SCFD2: variants seen among roughly 807,000 people sequenced by gnomAD.
The protein encoded by SCFD2 is sec1 family domain containing 2.
In SCFD2, 54 loss-of-function variants were observed where a neutral mutation model predicts 58.9. That is an observed-to-expected ratio of 0.92 (90% CI 0.74 to 1.15). The LOEUF is 1.15. SCFD2 is among the 50% of genes most tolerant of loss of function. The pLI is 0.00. For synonymous variants in SCFD2, 321 were observed against 335.9 expected (o/e 0.96, Z 0.49); for missense variants, 805 against 836.6 (o/e 0.96, Z 0.47).
intron 3 of SCFD2, among the ~76,000 whole-genome samples, chr4:53,310,449 G>A (rs1203773882): frequency 6.6e-6 from 1 of 152,198 alleles, no homozygotes; most frequent in African/African-American, 2.4e-5. Flanking sequence ...ATCAGCGTTT[G>A]AGATGGGCAT....
At chr4:53,022,664 G>A (rs537349337) in intron 5 of SCFD2, among the ~76,000 whole-genome samples, 9 of 152,302 alleles carry the variant, frequency 5.9e-5, no homozygotes, top group South Asian at 2.1e-4. Flanking sequence ...TCTCTAAAGA[G>A]GGGATTAATT....
chr4:53,064,452 T>C (rs1723600675), intron 5 of SCFD2, among the ~76,000 whole-genome samples: 1 of 152,156 alleles, frequency 6.6e-6, no homozygotes, highest in South Asian at 2.1e-4. Flanking sequence ...GACTTATTAC[T>C]TGGGTAACTG....
At chr4:53,105,082 C>T (rs757515475) in intron 5 of SCFD2, among the ~76,000 whole-genome samples, 5 of 152,020 alleles carry the variant, frequency 3.3e-5, no homozygotes, top group South Asian at 2.1e-4. Flanking sequence ...GAAGTGCAAG[C>T]GGTCGGGGAA....
chr4:53,280,772 G>A (rs1004224161), intron 3 of SCFD2, among the ~76,000 whole-genome samples: 4 of 151,956 alleles, frequency 2.6e-5, no homozygotes, highest in African/African-American at 9.7e-5. Flanking sequence ...ATATAATAAA[G>A]GCAATGTATA....
chr4:53,106,040 TACCCAGTCAAACAGGGTCTGGAGTGG>T (rs1433745100), intron 5 of SCFD2, among the ~76,000 whole-genome samples: 3 of 152,244 alleles, frequency 2.0e-5, no homozygotes, highest in Admixed American at 6.5e-5. Flanking sequence ...CCACTGGTGA[TACCCAGTCAAACAGGGTCTGGAGTGG>T]ACCCAGTCAA....
intron 3 of SCFD2, among the ~76,000 whole-genome samples, chr4:53,289,208 C>T (rs549265954): frequency 3.4e-4 from 52 of 151,984 alleles, no homozygotes; most frequent in African/African-American, 1.1e-3. Context: ...CTACTAAAAA[C>T]ACAAAAACTT....
Position 52,873,998 on chromosome 4 carries a change from C to A in SCFD2, c.2026G>T (p.Asp676Tyr). The stretch of plus-strand genomic sequence containing the variant: ...AAGCCAAGGTCTGGATGCAGTCGGT[C>A]AGTTGCAAATAACAGCTCAGGAATG... ...LNIPELLFAT[D>Y]RLHPDLGF Residue 676 changes from aspartate to tyrosine, a missense_variant, in exon 9 of 9, where the codon GAC (aspartate) becomes TAC (tyrosine). Coordinates refer to ENST00000401642, the MANE Select transcript of SCFD2 (RefSeq NM_152540.4). 6.2e-7 allele frequency: 1 copy of A among 1,614,010 alleles called. No homozygotes were observed. The highest frequency in any genetic ancestry group is 1.1e-5 in the South Asian group (1 of 91,054).
At chr4:53,089,874 G>C (rs2148865435) in intron 5 of SCFD2, among the ~76,000 whole-genome samples, 1 of 152,220 alleles carries the variant, frequency 6.6e-6, no homozygotes, top group Non-Finnish European at 1.5e-5. Context: ...CATTTCTTAA[G>C]ATGTGAAGTT....
At chr4:52,956,939 T>G (rs1036296840) in intron 5 of SCFD2, 4 of 152,028 alleles carry the variant, frequency 2.6e-5, no homozygotes, top group African/African-American at 9.7e-5. Flanking sequence ...AGGGCTGGAG[T>G]TGCTGAAATC....
intron 5 of SCFD2, among the ~76,000 whole-genome samples, chr4:52,937,311 G>T (rs887925840): frequency 1.9e-4 from 29 of 152,206 alleles, no homozygotes; most frequent in Non-Finnish European, 4.1e-4. Context: ...GAGGCAGAGA[G>T]GGCCAGATCA....
At chr4:53,195,671 C>T (rs1394370713) in intron 4 of SCFD2, among the ~76,000 whole-genome samples, 1 of 152,096 alleles carries the variant, frequency 6.6e-6, no homozygotes. Context: ...CTGAAGAAAT[C>T]GTACGAACAA....
At chr4:52,975,900 A>G (rs1052257448) in intron 5 of SCFD2, among the ~76,000 whole-genome samples, 1 of 151,798 alleles carries the variant, frequency 6.6e-6, no homozygotes, top group African/African-American at 2.4e-5. Context: ...GGAAACCATC[A>G]TTCTCAGCAA....
intron 5 of SCFD2, chr4:52,948,750 G>A (rs1442524372): frequency 1.6e-5 from 5 of 305,206 alleles, no homozygotes; most frequent in Middle Eastern, 1.1e-3. Flanking sequence ...TCCTGACAGT[G>A]TGTAGTCTTC....
At chr4:53,178,403 C>A (rs192097915) in intron 4 of SCFD2, among the ~76,000 whole-genome samples, 2 of 152,164 alleles carry the variant, frequency 1.3e-5, no homozygotes, top group Non-Finnish European at 2.9e-5. Flanking sequence ...TGGAGTGGAC[C>A]TCTAGCAAAC....
rs529228325 is a variant in SCFD2, at chr4:52,902,449, G to A, written c.1842+5008C>T. Among the ~76,000 whole-genome samples the A allele has an allele frequency of 5.9e-5, 9 of 152,302 alleles. No individual in the cohort carries two copies. The South Asian group carries it at 1.9e-3, about 32-fold the overall frequency. On this transcript the variant is annotated intron_variant, in intron 7 of 8. Coordinates refer to ENST00000401642, the MANE Select transcript of SCFD2 (RefSeq NM_152540.4). ...CAGTAGTGAAATATGAAATGTTTGT[G>A]ACTTCTTCTTTGGGGGGCAGTGTAT...
intron 4 of SCFD2, among the ~76,000 whole-genome samples, chr4:53,212,602 G>A (rs28684900): frequency 2.0e-5 from 3 of 150,390 alleles, no homozygotes; most frequent in Non-Finnish European, 4.4e-5. Context: ...GTGTGTGTGT[G>A]TGTGTGCATG....
At chr4:53,262,252 A>G (rs2149055381) in intron 4 of SCFD2, among the ~76,000 whole-genome samples, 2 of 152,206 alleles carry the variant, frequency 1.3e-5, no homozygotes, top group South Asian at 4.2e-4. Context: ...ATTTTCATTC[A>G]ATGTTAGTAT....
intron 4 of SCFD2, among the ~76,000 whole-genome samples, chr4:53,210,561 C>A (rs1463254045): frequency 1.3e-5 from 2 of 151,950 alleles, no homozygotes; most frequent in Non-Finnish European, 2.9e-5. Context: ...AAGGGATTTG[C>A]AGAATGTAAA....
At chr4:53,108,201 T>C (rs1725061104) in intron 5 of SCFD2, among the ~76,000 whole-genome samples, 1 of 152,118 alleles carries the variant, frequency 6.6e-6, no homozygotes, top group South Asian at 2.1e-4. Flanking sequence ...TGTACCAGAA[T>C]CAACGGGACA....
Sources: gnomAD v4.1 joint callset for allele counts (sites outside exome capture counted in the v4.1 genomes callset) on GRCh38, gnomAD v4.1.1 for gene constraint, MANE v1.5 for transcripts, NCBI Gene and HGNC (gene_info 2026-07-23, HGNC 2026-07-21) for gene names.